LMX1A: variants seen among roughly 807,000 people sequenced by gnomAD.
LMX1A encodes the protein LIM homeobox transcription factor 1 alpha.
Under a neutral mutation model 49.1 loss-of-function variants are expected in LMX1A, and 15 were observed. The observed-to-expected ratio is 0.31, with a 90% confidence interval of 0.20 to 0.47. The LOEUF (loss-of-function observed/expected upper bound fraction) is 0.47, where lower values mean the gene tolerates loss of function less well. Ranked by LOEUF, LMX1A falls within the 20% of genes least tolerant of loss-of-function variation. The pLI is 1.00. For missense variants in LMX1A, 372 were observed against 475.8 expected (o/e 0.78, Z 2.03); for synonymous variants, 167 against 185.7 (o/e 0.90, Z 0.82).
At chr1:165,351,167 A>ATTT (rs5778446) in intron 3 of LMX1A, among the ~76,000 whole-genome samples, 3 of 149,948 alleles carry the variant, frequency 2.0e-5, no homozygotes, top group Admixed American at 6.6e-5. Context: ...TTGATTCGTG[A>ATTT]TTTTTTTTTT....
chr1:165,210,609 G>A (rs1279047825), intron 6 of LMX1A, 90 bp downstream of exon 6: 8 of 911,532 alleles, frequency 8.8e-6, no homozygotes, highest in East Asian at 5.2e-5. Flanking sequence ...GAGCTAAGGC[G>A]AGAAAACCTG....
At chr1:165,349,563 A>AAG (rs1291658984) in intron 3 of LMX1A, among the ~76,000 whole-genome samples, 11 of 152,220 alleles carry the variant, frequency 7.2e-5, no homozygotes, top group Non-Finnish European at 1.5e-4. Flanking sequence ...TATAGCCTTC[A>AAG]GTTCTTAATT....
intron 4 of LMX1A, among the ~76,000 whole-genome samples, chr1:165,219,693 G>T (rs1304211926): frequency 6.6e-6 from 1 of 152,200 alleles, no homozygotes; most frequent in Non-Finnish European, 1.5e-5. Flanking sequence ...CTTCAAGGGA[G>T]TTTCTACTCA....
At chr1:165,326,908 C>T (rs557208599) in intron 3 of LMX1A, among the ~76,000 whole-genome samples, 35 of 152,310 alleles carry the variant, frequency 2.3e-4, no homozygotes, top group African/African-American at 8.2e-4. Context: ...TGCTGCTAAA[C>T]ACCCTACAAT....
At chr1:165,231,160 C>A (rs1374672617) in intron 4 of LMX1A, among the ~76,000 whole-genome samples, 1 of 151,930 alleles carries the variant, frequency 6.6e-6, no homozygotes, top group Non-Finnish European at 1.5e-5. Context: ...ATGAGAAGCA[C>A]TGTCTTAACA....
rs2298221 is a variant in LMX1A at position 165,218,798 on chromosome 1, C to T, written c.497-4985G>A. ...CAGTGAAGTGGAGGGAGAGGCGGCC[C>T]CTCTCCTTTGCCAGAGACTCCCACT... is the stretch of plus-strand genomic sequence containing the variant. On this transcript the variant is annotated intron_variant, in intron 4 of 8. Coordinates refer to ENST00000342310, the MANE Select transcript of LMX1A (RefSeq NM_177398.4). 5.9e-5 allele frequency: 9 copies of T among 152,002 alleles called. No individual in the cohort carries two copies. The East Asian group carries it at 1.8e-3, about 30-fold the overall frequency. 9.4% of individuals were successfully genotyped at this position (152,002 alleles called of 1,614,324 possible).
intron 4 of LMX1A, among the ~76,000 whole-genome samples, chr1:165,244,541 G>C (rs929504391): frequency 1.3e-5 from 2 of 152,144 alleles, no homozygotes; most frequent in Non-Finnish European, 2.9e-5. Flanking sequence ...GTCCACTGGA[G>C]AATTGCTTGG....
chr1:165,274,807 A>C (rs991930590), intron 3 of LMX1A, among the ~76,000 whole-genome samples: 18 of 152,202 alleles, frequency 1.2e-4, no homozygotes, highest in African/African-American at 4.3e-4. Flanking sequence ...ACCCATTCAC[A>C]GGCAACCCTG....
At chr1:165,231,422 C>G (rs1264199602) in intron 4 of LMX1A, among the ~76,000 whole-genome samples, 1 of 152,028 alleles carries the variant, frequency 6.6e-6, no homozygotes, top group Non-Finnish European at 1.5e-5. Flanking sequence ...ACAGCCTCAG[C>G]CTCCTGAGTA....
intron 3 of LMX1A, among the ~76,000 whole-genome samples, chr1:165,300,980 C>G (rs1043447215): frequency 6.6e-6 from 1 of 152,160 alleles, no homozygotes; most frequent in Non-Finnish European, 1.5e-5. Context: ...GCAGTAGGCT[C>G]AATCTGTAAT....
At chr1:165,269,433 C>T (rs1653721788) in intron 3 of LMX1A, among the ~76,000 whole-genome samples, 1 of 152,218 alleles carries the variant, frequency 6.6e-6, no homozygotes, top group African/African-American at 2.4e-5. Flanking sequence ...TCCAGTAGAA[C>T]TTCCTGTGAT....
intron 3 of LMX1A, among the ~76,000 whole-genome samples, chr1:165,297,840 A>G (rs542052730): frequency 6.6e-6 from 1 of 152,330 alleles, no homozygotes; most frequent in South Asian, 2.1e-4. Flanking sequence ...TCAATGTTTT[A>G]TAGCTGTGGG....
rs1347875876 is a variant in LMX1A at position 165,356,189 on chromosome 1, G to C, written c.-23+166C>G. 2.6e-5 allele frequency: 4 copies of C among 152,400 alleles called. No individual in the cohort carries two copies. In the East Asian group the frequency reaches 7.7e-4, roughly 29 times the overall value. 9.4% of individuals were successfully genotyped at this position (152,400 alleles called of 1,614,324 possible). A position where few individuals can be genotyped will look rare whatever the true frequency, so the allele number is the denominator to read the frequency against. On this transcript the variant is annotated intron_variant, in intron 1 of 8. Coordinates refer to ENST00000342310, the MANE Select transcript of LMX1A (RefSeq NM_177398.4). ...GGAGCCGGTGTGCGGGGCGCGCGGG[G>C]AGGTCCTCCCGCCAGTCGGCCAGTG...
intron 3 of LMX1A, among the ~76,000 whole-genome samples, chr1:165,256,917 C>G (rs1653261835): frequency 6.6e-6 from 1 of 152,006 alleles, no homozygotes; most frequent in African/African-American, 2.4e-5. Flanking sequence ...TGACAACACA[C>G]CGAGACACCC....
At chr1:165,319,397 G>C (rs1655316615) in intron 3 of LMX1A, among the ~76,000 whole-genome samples, 1 of 152,022 alleles carries the variant, frequency 6.6e-6, no homozygotes, top group Non-Finnish European at 1.5e-5. Context: ...TATGTTGCTA[G>C]TAACAAGCAA....
chr1:165,326,190 G>A (rs913024482), intron 3 of LMX1A, among the ~76,000 whole-genome samples: 5 of 152,302 alleles, frequency 3.3e-5, no homozygotes, highest in Middle Eastern at 3.4e-3. Context: ...AGCTAGAGAC[G>A]GGGAGGAGGG....
chr1:165,248,839 A>C (rs1652952229), intron 4 of LMX1A, among the ~76,000 whole-genome samples: 3 of 152,218 alleles, frequency 2.0e-5, no homozygotes, highest in African/African-American at 7.2e-5. Context: ...TGCATGGAGT[A>C]TATTTCTCCT....
Position 165,293,307 on chromosome 1 carries a change from A to G in LMX1A, c.264-43667T>C, listed in dbSNP as rs140573967. ...TGCACAATCAACTAACATTGGATAA[A>G]TGTGTAAATGTTTAAAATAGCACTT... On this transcript the variant is annotated intron_variant, in intron 3 of 8. Coordinates refer to ENST00000342310, the MANE Select transcript of LMX1A (RefSeq NM_177398.4). 2.9e-3 allele frequency among the ~76,000 whole-genome samples: 439 copies of G among 152,346 alleles called. 7 individuals are homozygous for G. The highest frequency in any genetic ancestry group is 9.8e-3 in the African/African-American group (409 of 41,574).
chr1:165,349,269 T>C (rs1048393283), intron 3 of LMX1A, among the ~76,000 whole-genome samples: 2 of 152,256 alleles, frequency 1.3e-5, no homozygotes, highest in Non-Finnish European at 2.9e-5. Flanking sequence ...CCAACTGCAG[T>C]ATTTGTTTGG....
Sources: gnomAD v4.1 joint callset for allele counts (sites outside exome capture counted in the v4.1 genomes callset) on GRCh38, gnomAD v4.1.1 for gene constraint, MANE v1.5 for transcripts, NCBI Gene and HGNC (gene_info 2026-07-23, HGNC 2026-07-21) for gene names.